Variants in TMEM98 observed in about 807,000 individuals in gnomAD.
TMEM98 encodes the protein transmembrane protein 98.
TMEM98 carries 18 observed loss-of-function variants against 25.0 expected under a neutral mutation model. The ratio of observed to expected loss-of-function variants is 0.72; its 90% CI spans 0.50 to 1.07. TMEM98 has a LOEUF of 1.07. Among genes scored for constraint, TMEM98 ranks in the 50% least tolerant of loss-of-function variants. TMEM98 has a pLI of 0.00. For synonymous variants in TMEM98, 103 were observed against 112.4 expected, an observed-to-expected ratio of 0.92 and a Z score of 0.53; for missense variants, 241 against 289.0, an observed-to-expected ratio of 0.83 and a Z score of 1.20.
At chr17:32,939,380 C>T (rs1450780228) in intron 6 of TMEM98, 97 bp from the exon 7 acceptor site, 2 of 1,339,746 alleles carry the variant, frequency 1.5e-6, no homozygotes, top group African/African-American at 2.9e-5. Flanking sequence ...GCACTCCAGC[C>T]TGGGTGACAG....
At position 32,929,135 on chromosome 17, in the gene TMEM98, G is replaced by A. The variant is rs528382288; in HGVS notation, c.-131+898G>A. Among the ~76,000 whole-genome samples the A allele has an allele frequency of 5.3e-5, 8 of 151,352 alleles. No homozygotes were observed. The East Asian group carries it at 1.4e-3, about 26-fold the overall frequency. On this transcript the variant is annotated intron_variant, in intron 1 of 7. Coordinates refer to ENST00000579849, the MANE Select transcript of TMEM98 (RefSeq NM_015544.3). ...CACTCAAGATAAACAGCTCACACAA[G>A]CACATTCAGAAAACACTCAGAAACA...
chr17:32,940,481 G>A (rs2091523286), intron 7 of TMEM98, among the ~76,000 whole-genome samples: 3 of 152,180 alleles, frequency 2.0e-5, no homozygotes, highest in African/African-American at 4.8e-5. Context: ...GTTAATAGGT[G>A]TGCTGCAGAA....
At chr17:32,939,578 G>A (rs1223892380) in intron 7 of TMEM98, 42 bp downstream of exon 7, 1 of 1,610,800 alleles carries the variant, frequency 6.2e-7, no homozygotes, top group Non-Finnish European at 8.5e-7. Flanking sequence ...TTCATGCAGA[G>A]GTCCACAACC....
intron 1 of TMEM98, among the ~76,000 whole-genome samples, chr17:32,928,635 AAG>A (rs1567695407): frequency 6.6e-6 from 1 of 151,960 alleles, no homozygotes; most frequent in African/African-American, 2.4e-5. Context: ...AGAATAGAGA[AAG>A]AAAAACACAA....
rs147119833 is a variant in TMEM98, at chr17:32,936,435, G to A, written c.401G>A (p.Arg134Gln). 73 of 1,614,158 alleles carry A rather than the reference G, an allele frequency of 4.5e-5. No homozygotes were observed. In the African/African-American group the frequency reaches 8.1e-4, roughly 18 times the overall value. Reference protein sequence around the residue: ...SVSDIIVVAKRISPRVDDVVK... With the variant: ...SVSDIIVVAKQISPRVDDVVK... ...AGCGACATCATTGTGGTGGCCAAGC[G>A]GATCAGCCCCAGGTGAGCAATTGGC... Residue 134 changes from arginine to glutamine, a missense_variant, in exon 6 of 8, where the codon CGG (arginine) becomes CAG (glutamine). Physicochemically the swap from Arg to Gln is conservative, Grantham distance 43. Transcript: ENST00000579849.
At chr17:32,936,590 G>C in intron 6 of TMEM98, 143 bp downstream of exon 6, 1 of 697,866 alleles carries the variant, frequency 1.4e-6, no homozygotes, top group East Asian at 2.7e-5. Flanking sequence ...TTTACAGAGT[G>C]ACCAGGAGGG....
chr17:32,937,528 G>T (rs1158251705), intron 6 of TMEM98, among the ~76,000 whole-genome samples: 1 of 152,168 alleles, frequency 6.6e-6, no homozygotes, highest in Non-Finnish European at 1.5e-5. Context: ...TCAGCCCCTG[G>T]CTTTATAAGA....
At position 32,936,407 on chromosome 17, in the gene TMEM98, G is replaced by A. The variant is rs1459928332; in HGVS notation, c.373G>A (p.Val125Ile). 1.2e-6 allele frequency: 2 copies of A among 1,614,226 alleles called. No individual in the cohort carries two copies. The highest frequency in any genetic ancestry group is 3.3e-5 in the Admixed American group (2 of 60,024). Reference protein sequence around the residue: ...SGAKMKTSASVSDIIVVAKRI... With the variant: ...SGAKMKTSASISDIIVVAKRI... Reference sequence around the variant, plus strand: ...GGCCAAGATGAAGACTTCAGCCAGTGTCAGCGACATCATTGTGGTGGCCAA... The same window carrying A: ...GGCCAAGATGAAGACTTCAGCCAGTATCAGCGACATCATTGTGGTGGCCAA... Residue 125 changes from valine to isoleucine, a missense_variant, in exon 6 of 8, where the codon GTC becomes ATC. By Grantham distance (29) the Val-to-Ile change is conservative. Coordinates refer to ENST00000579849, the MANE Select transcript of TMEM98 (RefSeq NM_015544.3).
rs919876372 is a variant in TMEM98 at position 32,942,305 on chromosome 17, C to A, written c.*1312C>A. On this transcript the variant is annotated 3_prime_UTR_variant, in exon 8 of 8. Transcript: ENST00000579849. ...TAAGCCTGTAGGAAAAGCTTGAATT[C>A]TTCACTTCTCAGATTCTCAGAGCCA... The A allele has an allele frequency of 6.6e-6, 1 of 152,196 alleles. No individual in the cohort carries two copies. The highest frequency in any genetic ancestry group is 2.4e-5 in the African/African-American group (1 of 41,450). 9.4% of individuals were successfully genotyped at this position (152,196 alleles called of 1,614,324 possible).
intron 1 of TMEM98, among the ~76,000 whole-genome samples, chr17:32,928,983 A>G (rs2091449821): frequency 6.6e-6 from 1 of 151,710 alleles, no homozygotes; most frequent in African/African-American, 2.4e-5. Context: ...ACACTCCGAG[A>G]AACAGTTCAC....
intron 5 of TMEM98, 129 bp downstream of exon 5, chr17:32,934,453 T>G: frequency 9.7e-7 from 1 of 1,026,826 alleles, no homozygotes; most frequent in Non-Finnish European, 1.5e-6. Context: ...ACTTGACACT[T>G]GGAATTTTTG....
At position 32,933,098 on chromosome 17, in the gene TMEM98, A is replaced by G; in HGVS notation, c.132-76A>G. ...GACTCCCTTACTTCTTTTATGGTGT[A>G]TGTGGGCCTCAGTGAGGAGAGGATC... On this transcript the variant is annotated intron_variant, in intron 3 of 7. Coordinates refer to ENST00000579849, the MANE Select transcript of TMEM98 (RefSeq NM_015544.3). The G allele has an allele frequency of 1.9e-6, 3 of 1,583,286 alleles. No homozygotes were observed. In the South Asian group the frequency reaches 3.5e-5, roughly 18 times the overall value.
At chr17:32,936,499 G>T in intron 6 of TMEM98, 52 bp downstream of exon 6, 1 of 1,512,496 alleles carries the variant, frequency 6.6e-7, no homozygotes, top group Non-Finnish European at 9.2e-7. Flanking sequence ...GAAGAGAGGG[G>T]CTGGAAGCTG....
At chr17:32,937,180 C>T (rs1040755664) in intron 6 of TMEM98, among the ~76,000 whole-genome samples, 1 of 152,224 alleles carries the variant, frequency 6.6e-6, no homozygotes, top group Non-Finnish European at 1.5e-5. Flanking sequence ...AGCCACCTGG[C>T]CCCTCCGCCC....
intron 6 of TMEM98, among the ~76,000 whole-genome samples, chr17:32,937,257 C>G (rs976345635): frequency 2.0e-5 from 3 of 151,804 alleles, no homozygotes; most frequent in African/African-American, 7.3e-5. Context: ...GGGGCCCACA[C>G]GTTCCTTGTT....
intron 1 of TMEM98, 99 bp downstream of exon 1, chr17:32,928,336 G>GT (rs1449944246): frequency 4.7e-5 from 7 of 150,334 alleles, no homozygotes; most frequent in African/African-American, 1.7e-4. Flanking sequence ...GGGGAGGCGG[G>GT]TGCCGCAGCT....
In TMEM98 at chr17:32,933,282, T is replaced by G. The variant is rs199679288; in HGVS notation, c.240T>G (p.Asn80Lys). The change falls in exon 4 of 8, where the codon AAT becomes AAG. Residue 80 changes from asparagine (N) to lysine (K), a missense_variant. Asn to Lys is a moderately conservative substitution (Grantham distance 94). Transcript: ENST00000579849. ...TNPHIEAILE[N>K]EDWIEDASGL... is the part of the protein sequence containing the mutation. ...CCCACATTGAGGCCATTCTGGAGAATGAAGACTGGATCGAAGATGCCTCGT... is the reference window on the plus strand; with the variant it reads ...CCCACATTGAGGCCATTCTGGAGAAGGAAGACTGGATCGAAGATGCCTCGT... 1 of 1,614,186 alleles carries G rather than the reference T, an allele frequency of 6.2e-7. No homozygotes were observed. Among genetic ancestry groups the G allele is most frequent in the South Asian group, 1.1e-5 (1 of 91,078 alleles).
In TMEM98 at chr17:32,936,327, A is replaced by T; in HGVS notation, c.298-5A>T. On this transcript the variant is annotated splice_region_variant and splice_polypyrimidine_tract_variant and intron_variant, in intron 5 of 7. Transcript: ENST00000579849. ...CCCTCATCTCTCTCCTCCCTGCCGC[A>T]TTAGATTTGTCACACTCTGACAGAG... The T allele has an allele frequency of 6.2e-7, 1 of 1,613,390 alleles. No individual in the cohort carries two copies. Among genetic ancestry groups the T allele is most frequent in the Non-Finnish European group, 8.5e-7 (1 of 1,179,476 alleles).
chr17:32,934,189 G>T, intron 4 of TMEM98, 102 bp from the exon 5 acceptor site: 3 of 1,320,120 alleles, frequency 2.3e-6, no homozygotes, highest in Non-Finnish European at 2.2e-6. Flanking sequence ...GTTGGTATTG[G>T]GCTGTGCCCA....
Sources: gnomAD v4.1 joint callset for allele counts (sites outside exome capture counted in the v4.1 genomes callset) on GRCh38, gnomAD v4.1.1 for gene constraint, MANE v1.5 for transcripts, NCBI Gene and HGNC (gene_info 2026-07-23, HGNC 2026-07-21) for gene names.